Variants in PBX4 observed in about 807,000 individuals in gnomAD.
PBX4 encodes PBX homeobox 4.
A neutral mutation model predicts 35.1 loss-of-function variants in PBX4; 26 were observed. The observed-to-expected ratio is 0.74, with a 90% CI of 0.54 to 1.03. PBX4 has a LOEUF of 1.03. PBX4 is among the 50% of genes least tolerant of loss of function. PBX4 has a pLI of 0.00. For synonymous variants in PBX4, 199 were observed against 204.2 expected (o/e 0.97, Z 0.22); for missense variants, 448 against 504.3 (o/e 0.89, Z 1.07).
At chr19:19,580,229 G>C (rs1434962423) in intron 2 of PBX4, among the ~76,000 whole-genome samples, 1 of 144,996 alleles carries the variant, frequency 6.9e-6, no homozygotes, top group African/African-American at 2.4e-5. Flanking sequence ...GGTGAGAATC[G>C]ACATGAAGGA....
chr19:19,613,907 T>G (rs2061675696), intron 1 of PBX4, among the ~76,000 whole-genome samples: 2 of 152,044 alleles, frequency 1.3e-5, no homozygotes, highest in Admixed American at 1.3e-4. Flanking sequence ...AGGAATTACC[T>G]CTACACAGCA....
chr19:19,586,383 AGCCTGTCTC>A (rs1241661260), intron 2 of PBX4, among the ~76,000 whole-genome samples: 4 of 152,158 alleles, frequency 2.6e-5, no homozygotes, highest in African/African-American at 9.7e-5. Flanking sequence ...ACTGTACTCC[AGCCTGTCTC>A]TTTGAGACAG....
intron 2 of PBX4, among the ~76,000 whole-genome samples, chr19:19,571,100 G>A (rs1780457231): frequency 6.6e-6 from 1 of 152,226 alleles, no homozygotes; most frequent in Non-Finnish European, 1.5e-5. Context: ...GGCAAACCTT[G>A]GTCACAGCTG....
chr19:19,565,153 G>T, intron 5 of PBX4, 64 bp from the exon 6 acceptor site: 1 of 1,604,342 alleles, frequency 6.2e-7, no homozygotes, highest in South Asian at 1.1e-5. Flanking sequence ...GACGCAGTCT[G>T]TGGGTTCCCT....
intron 2 of PBX4, among the ~76,000 whole-genome samples, chr19:19,596,658 C>A (rs1269834257): frequency 1.3e-5 from 2 of 152,052 alleles, no homozygotes; most frequent in Non-Finnish European, 2.9e-5. Context: ...AGAATATGAG[C>A]CTGGTTGGGC....
chr19:19,584,285 C>T lies in PBX4; in HGVS notation c.194-13452G>A, dbSNP rs893383199. Reference sequence around the variant, plus strand: ...CAAATCAAAGAATAGAAAGAACCTTCCTTAACCTGATAATGGGCATGTCCT... The same window carrying T: ...CAAATCAAAGAATAGAAAGAACCTTTCTTAACCTGATAATGGGCATGTCCT... On this transcript the variant is annotated intron_variant, in intron 2 of 7. Coordinates refer to ENST00000251203, the MANE Select transcript of PBX4 (RefSeq NM_025245.3). 3.9e-4 allele frequency among the ~76,000 whole-genome samples: 60 copies of T among 152,278 alleles called. 1 individual carries two copies. Among genetic ancestry groups the T allele is most frequent in the African/African-American group, 1.3e-3 (56 of 41,556 alleles).
At chr19:19,615,277 G>A (rs1166577877) in intron 1 of PBX4, among the ~76,000 whole-genome samples, 1 of 151,630 alleles carries the variant, frequency 6.6e-6, no homozygotes. Flanking sequence ...GGCCCAGAAG[G>A]TTGAGGCTGC....
At chr19:19,565,495 G>A (rs1233624774) in intron 5 of PBX4, among the ~76,000 whole-genome samples, 1 of 152,244 alleles carries the variant, frequency 6.6e-6, no homozygotes, top group African/African-American at 2.4e-5. Context: ...TGGGGACCCA[G>A]TAACTGCGAT....
Position 19,563,670 on chromosome 19 carries a change from C to T in PBX4, c.926-55G>A. On this transcript the variant is annotated intron_variant, in intron 6 of 7. Transcript: ENST00000251203. The surrounding 1 kb of genome is among the most constrained non-coding windows in gnomAD (Gnocchi z 5.1). ...AGTCGTGGCGCCTCCTCAGGTGGAA[C>T]CCACCCAGCCCCTCAGCCGGCAGGA... is the stretch of plus-strand genomic sequence containing the variant. The T allele has an allele frequency of 1.4e-6, 2 of 1,416,912 alleles. No individual in the cohort carries two copies. The highest frequency in any genetic ancestry group is 2.5e-5 in the South Asian group (2 of 81,046). 87.8% of individuals were successfully genotyped at this position (1,416,912 alleles called of 1,614,324 possible).
chr19:19,609,438 A>T (rs1355694838), intron 1 of PBX4, among the ~76,000 whole-genome samples: 1 of 151,298 alleles, frequency 6.6e-6, no homozygotes, highest in Non-Finnish European at 1.5e-5. Context: ...AATCCCAGCT[A>T]CTTGGGAGGC....
intron 2 of PBX4, among the ~76,000 whole-genome samples, chr19:19,587,861 T>C (rs533251626): frequency 6.6e-6 from 1 of 151,954 alleles, no homozygotes; most frequent in Non-Finnish European, 1.5e-5. Flanking sequence ...AATCTATCAG[T>C]TTTTCTCCGA....
chr19:19,616,195 G>A (rs757573098), intron 1 of PBX4, among the ~76,000 whole-genome samples: 30 of 152,108 alleles, frequency 2.0e-4, no homozygotes, highest in Non-Finnish European at 3.4e-4. Flanking sequence ...CAGATTCTAC[G>A]GATCCTGGCT....
intron 1 of PBX4, among the ~76,000 whole-genome samples, 199 bp from the exon 2 acceptor site, chr19:19,599,564 G>A (rs533901636): frequency 1.3e-5 from 2 of 152,166 alleles, no homozygotes; most frequent in African/African-American, 2.4e-5. Flanking sequence ...AAGGCCAGCC[G>A]TGGTGGCTCA....
At chr19:19,603,951 C>CAAA (rs575405663) in intron 1 of PBX4, among the ~76,000 whole-genome samples, 6 of 95,648 alleles carry the variant, frequency 6.3e-5, no homozygotes, top group African/African-American at 7.8e-5. Flanking sequence ...GACTCCATCT[C>CAAA]AAAAAAAAAA....
intron 2 of PBX4, chr19:19,588,378 CT>C: frequency 1.5e-6 from 2 of 1,354,336 alleles, no homozygotes; most frequent in Non-Finnish European, 2.1e-6. Flanking sequence ...CACCAGCCTG[CT>C]TGCGGCAAAA....
chr19:19,615,383 A>T lies in PBX4; in HGVS notation c.119+3128T>A, dbSNP rs536493463. 3.9e-5 allele frequency among the ~76,000 whole-genome samples: 6 copies of T among 151,970 alleles called. No homozygotes were observed. The South Asian group carries it at 1.2e-3, about 32-fold the overall frequency. On this transcript the variant is annotated intron_variant, in intron 1 of 7. Transcript: ENST00000251203. ...GCCAAAGAAATAGTTGTATGGTGAC[A>T]AGGACTCTAATTTCTCAAACAGAGC...
chr19:19,592,282 T>C (rs1288689003), intron 2 of PBX4, among the ~76,000 whole-genome samples: 1 of 152,224 alleles, frequency 6.6e-6, no homozygotes, highest in Non-Finnish European at 1.5e-5. Context: ...TTCTCCCAGC[T>C]AAATTCAAAG....
chr19:19,591,517 C>A (rs1016121071), intron 2 of PBX4, among the ~76,000 whole-genome samples: 1 of 152,234 alleles, frequency 6.6e-6, no homozygotes, highest in South Asian at 2.1e-4. Context: ...AGGGTTCCTG[C>A]AGCACAACAG....
intron 2 of PBX4, among the ~76,000 whole-genome samples, chr19:19,576,624 T>C (rs2061421179): frequency 6.6e-6 from 1 of 152,082 alleles, no homozygotes; most frequent in Non-Finnish European, 1.5e-5. Flanking sequence ...AGGATTTTTA[T>C]TGTATTTATT....
Sources: allele counts gnomAD v4.1 joint callset (sites outside exome capture counted in the v4.1 genomes callset), GRCh38; gene constraint gnomAD v4.1.1; non-coding constraint Gnocchi (gnomAD v3.1); transcripts MANE v1.5; gene names NCBI Gene and HGNC (gene_info 2026-07-23, HGNC 2026-07-21).